Variants in CORO7 observed in about 807,000 individuals in gnomAD.
CORO7 encodes coronin-7.
CORO7 carries 107 observed loss-of-function variants against 126.6 expected under a neutral mutation model. That is an observed-to-expected ratio of 0.85 (90% CI 0.72 to 0.99). The LOEUF is 0.99. Ranked by LOEUF, CORO7 falls within the 50% of genes least tolerant of loss-of-function variation. The pLI is 0.00. For missense variants in CORO7, 1,314 were observed against 1,255.8 expected (o/e 1.05, Z -0.70); for synonymous variants, 603 against 536.8 (o/e 1.12, Z -1.70).
At chr16:4,381,160 G>T in intron 9 of CORO7, 1 of 1,611,234 alleles carries the variant, frequency 6.2e-7, no homozygotes, top group East Asian at 2.2e-5. Flanking sequence ...GCCCAGCGGG[G>T]TCTTCCAGCC....
chr16:4,395,352 A>T lies in CORO7; in HGVS notation c.565-13T>A. The T allele has an allele frequency of 1.2e-6, 2 of 1,614,016 alleles. No individual in the cohort carries two copies. Among genetic ancestry groups the T allele is most frequent in the Non-Finnish European group, 8.5e-7 (1 of 1,180,006 alleles). On this transcript the variant is annotated splice_polypyrimidine_tract_variant and intron_variant, in intron 6 of 27. Coordinates refer to ENST00000251166, the MANE Select transcript of CORO7 (RefSeq NM_024535.5). ...GCAGCTGCTTGTCCTGGAAAAGCAG[A>T]GAGGAGGAAACAACTTGCGATTAGG... is the stretch of plus-strand genomic sequence containing the variant.
At chr16:4,382,274 TG>T (rs1449421058) in intron 9 of CORO7, 1 of 1,608,626 alleles carries the variant, frequency 6.2e-7, no homozygotes, top group Non-Finnish European at 8.5e-7. Context: ...TCCCTGACCC[TG>T]GGCATCGAGC....
At position 4,359,017 on chromosome 16, in the gene CORO7, T is replaced by A. The variant is rs2054071765; in HGVS notation, c.2340+279A>T. Reference sequence around the variant, plus strand: ...GTCTTGAACTCCTGGGCTCAAGCAATTCTCCTGCCTCAGCCTTCCGAAGTG... The same window carrying A: ...GTCTTGAACTCCTGGGCTCAAGCAAATCTCCTGCCTCAGCCTTCCGAAGTG... On this transcript the variant is annotated intron_variant, in intron 23 of 27. Coordinates refer to ENST00000251166, the MANE Select transcript of CORO7 (RefSeq NM_024535.5). The A allele has an allele frequency of 8.0e-6, 4 of 498,946 alleles. No homozygotes were observed. The South Asian group carries it at 1.1e-4, about 13-fold the overall frequency. The allele number at this position is 498,946 out of a possible 1,614,324, so 30.9% of individuals were successfully genotyped here.
chr16:4,365,111 G>A (rs368677650), intron 10 of CORO7, 51 bp from the exon 11 acceptor site: 5 of 1,558,106 alleles, frequency 3.2e-6, no homozygotes, highest in Non-Finnish European at 4.3e-6. Context: ...CCCTGGGGAG[G>A]GCCCAGGACT....
rs577087075 is a variant in CORO7, at chr16:4,388,056, C to T, written c.715G>A (p.Glu239Lys). The change falls in exon 9 of 28, where the codon GAA (glutamate) becomes AAA (lysine). Residue 239 changes from glutamate to lysine, a missense_variant. Transcript: ENST00000251166. ...AACCGCGTGTCCCACAGCTTCACTT[C>T]GCGCTCACGCATCTGCAGGGAGGGC... ...STGFNQMRER[E>K]VKLWDTRFFS... 9.9e-6 allele frequency: 16 copies of T among 1,612,612 alleles called. No individual in the cohort carries two copies. The highest frequency in any genetic ancestry group is 5.5e-5 in the South Asian group (5 of 90,960).
intron 9 of CORO7, chr16:4,387,647 C>A (rs1343799999): frequency 3.7e-6 from 1 of 269,698 alleles, no homozygotes; most frequent in Non-Finnish European, 7.3e-6. Context: ...GCCAGAACAT[C>A]CACAGAAAAA....
At position 4,359,190 on chromosome 16, in the gene CORO7, G is replaced by A. The variant is rs2054077159; in HGVS notation, c.2340+106C>T. On this transcript the variant is annotated intron_variant, in intron 23 of 27. Transcript: ENST00000251166. ...CAGCCCCAGGCCCAGCCCCAGCCCA[G>A]GACTCTGACCCCCGACCCACAGGCT... 9 of 1,278,984 alleles carry A rather than the reference G, an allele frequency of 7.0e-6. No individual in the cohort carries two copies. The East Asian group carries it at 1.8e-4, about 25-fold the overall frequency. The allele number at this position is 1,278,984 out of a possible 1,614,324, so 79.2% of individuals were successfully genotyped here.
rs867992592 is a variant in CORO7 at position 4,408,053 on chromosome 16, C to A, written c.303+128G>T. On this transcript the variant is annotated intron_variant, in intron 4 of 27. Coordinates refer to ENST00000251166, the MANE Select transcript of CORO7 (RefSeq NM_024535.5). Reference sequence around the variant, plus strand: ...GGACCAGGAATTCAGACCAGCCCCGCAGCCCTGGGGAGTGGGGTGGGGCTG... The same window carrying A: ...GGACCAGGAATTCAGACCAGCCCCGAAGCCCTGGGGAGTGGGGTGGGGCTG... 95 of 1,411,870 alleles carry A rather than the reference C, an allele frequency of 6.7e-5. No homozygotes were observed. The South Asian group carries it at 1.1e-3, about 17-fold the overall frequency. 87.5% of individuals were successfully genotyped at this position (1,411,870 alleles called of 1,614,324 possible).
rs2141183163 is a variant in CORO7 at position 4,360,643 on chromosome 16, CCTCCTCACTGCTGTTCCCGCCT to C, written c.1918-117_1918-96del. 4.2e-6 allele frequency: 6 copies of C among 1,440,068 alleles called. No individual in the cohort carries two copies. In the Admixed American group the frequency reaches 6.1e-5, roughly 15 times the overall value. 89.2% of individuals were successfully genotyped at this position (1,440,068 alleles called of 1,614,324 possible). A position where few individuals can be genotyped will look rare whatever the true frequency, so the allele number is the denominator to read the frequency against. On this transcript the variant is annotated intron_variant, in intron 19 of 27. Coordinates refer to ENST00000251166, the MANE Select transcript of CORO7 (RefSeq NM_024535.5). ...GCCCCTCCTCACTGCTGGCGCCGCCCCTCCTCACTGCTGTTCCCGCCTCTCCTCACTGCTGGTCTTGCCTCTC... is the reference window on the plus strand; with the variant it reads ...GCCCCTCCTCACTGCTGGCGCCGCCCCTCCTCACTGCTGGTCTTGCCTCTC...
At chr16:4,409,869 C>T (rs1456850947) in intron 3 of CORO7, among the ~76,000 whole-genome samples, 1 of 152,244 alleles carries the variant, frequency 6.6e-6, no homozygotes, top group African/African-American at 2.4e-5. Context: ...CTCCCGACAC[C>T]GGCACCTCTG....
At chr16:4,367,415 C>T (rs571266053) in intron 9 of CORO7, among the ~76,000 whole-genome samples, 1 of 152,254 alleles carries the variant, frequency 6.6e-6, no homozygotes, top group African/African-American at 2.4e-5. Context: ...CTTTGATGAG[C>T]TGGTCTGTGC....
intron 23 of CORO7, chr16:4,358,826 TA>T: frequency 3.3e-6 from 1 of 302,324 alleles, no homozygotes; most frequent in Non-Finnish European, 6.1e-6. Context: ...GCACAAATAA[TA>T]GTAAAATTGG....
rs750006096 is a variant in CORO7 at position 4,361,112 on chromosome 16, G to T, written c.1775-27C>A. 1.2e-5 allele frequency: 20 copies of T among 1,613,326 alleles called. No individual in the cohort carries two copies. The Middle Eastern group carries it at 4.9e-4, about 40-fold the overall frequency. On this transcript the variant is annotated intron_variant, in intron 18 of 27. Transcript: ENST00000251166. ...TGGAGGAAGGCAGGGGTGATCAGGA[G>T]CCCTTGGGAGACACTGGCCACCCCA...
At chr16:4,386,134 C>A (rs1308295542) in intron 9 of CORO7, among the ~76,000 whole-genome samples, 1 of 152,176 alleles carries the variant, frequency 6.6e-6, no homozygotes, top group Non-Finnish European at 1.5e-5. Context: ...TGGGGGCTGG[C>A]AGAGCAGGGG....
intron 3 of CORO7, among the ~76,000 whole-genome samples, chr16:4,411,955 C>A (rs2056227267): frequency 6.6e-6 from 1 of 151,982 alleles, no homozygotes; most frequent in Admixed American, 6.5e-5. Context: ...TGCAGCCCAA[C>A]ACAGCGACCT....
Position 4,408,163 on chromosome 16 carries a change from C to T in CORO7, c.303+18G>A, listed in dbSNP as rs1444225500. 6.2e-7 allele frequency: 1 copy of T among 1,614,074 alleles called. No homozygotes were observed. Among genetic ancestry groups the T allele is most frequent in the South Asian group, 1.1e-5 (1 of 91,076 alleles). On this transcript the variant is annotated intron_variant, in intron 4 of 27. Coordinates refer to ENST00000251166, the MANE Select transcript of CORO7 (RefSeq NM_024535.5). Reference sequence around the variant, plus strand: ...CGGGCTGGGACATAGAGCAGCTCTTCCAACTGGCTCCACTCACCGTCCTGT... The same window carrying T: ...CGGGCTGGGACATAGAGCAGCTCTTTCAACTGGCTCCACTCACCGTCCTGT...
chr16:4,412,772 G>C (rs1476262284), intron 2 of CORO7: 4 of 341,158 alleles, frequency 1.2e-5, no homozygotes, highest in Non-Finnish European at 2.2e-5. Context: ...CAACACCCAA[G>C]GTGGCAGAGC....
At chr16:4,386,585 A>T (rs1374621284) in intron 9 of CORO7, among the ~76,000 whole-genome samples, 4 of 152,166 alleles carry the variant, frequency 2.6e-5, no homozygotes, top group Admixed American at 6.5e-5. Context: ...CCGACTCCTC[A>T]AGGCGGGGCG....
intron 9 of CORO7, chr16:4,383,326 C>T (rs1458165633): frequency 2.0e-5 from 4 of 198,034 alleles, no homozygotes; most frequent in African/African-American, 4.7e-5. Flanking sequence ...CCCCAGGAAG[C>T]GAAGGAACAA....
Sources: allele counts gnomAD v4.1 joint callset (sites outside exome capture counted in the v4.1 genomes callset), GRCh38; gene constraint gnomAD v4.1.1; transcripts MANE v1.5; gene names NCBI Gene and HGNC (gene_info 2026-07-23, HGNC 2026-07-21).